CSMD1: variants seen among roughly 807,000 people sequenced by gnomAD.
The protein encoded by CSMD1 is CUB and Sushi multiple domains 1.
In CSMD1, 213 loss-of-function variants were observed where a neutral mutation model predicts 417.5. That is an observed-to-expected ratio of 0.51 (90% CI 0.46 to 0.57). The LOEUF (loss-of-function observed/expected upper bound fraction) is 0.57, where lower values mean the gene tolerates loss of function less well. CSMD1 is among the 20% of genes least tolerant of loss of function. The pLI is 0.00. For missense variants in CSMD1, 6,923 were observed against 4,529.7 expected, an observed-to-expected ratio of 1.53 and a Z score of -15.17; for synonymous variants, 2,862 against 1,736.8, an observed-to-expected ratio of 1.65 and a Z score of -16.11.
chr8:3,432,914 T>C (rs1814309619), intron 12 of CSMD1, among the ~76,000 whole-genome samples: 2 of 152,186 alleles, frequency 1.3e-5, no homozygotes, highest in African/African-American at 2.4e-5. Flanking sequence ...CACAGTTACA[T>C]TTCTTCTAAT....
intron 49 of CSMD1, among the ~76,000 whole-genome samples, chr8:3,062,145 G>T (rs1041136859): frequency 6.6e-6 from 1 of 151,936 alleles, no homozygotes. Flanking sequence ...AATATTTCTG[G>T]GTCCTTTCTT....
At position 4,730,097 on chromosome 8, in the gene CSMD1, C is replaced by T. The variant is rs990677211; in HGVS notation, c.86-92539G>A. ...TAAATTGTATGACATCTTTATTACC[C>T]CTTTTCGTCTCCGCACTTAGAAGCA... On this transcript the variant is annotated intron_variant, in intron 1 of 69. Transcript: ENST00000635120. Among the ~76,000 whole-genome samples, 5 of 152,104 alleles carry T rather than the reference C, an allele frequency of 3.3e-5. No homozygotes were observed. The South Asian group carries it at 6.2e-4, about 19-fold the overall frequency.
At chr8:3,349,962 T>C (rs1021999525) in intron 21 of CSMD1, among the ~76,000 whole-genome samples, 3 of 146,174 alleles carry the variant, frequency 2.1e-5, no homozygotes, top group African/African-American at 7.5e-5. Flanking sequence ...ATGTGTGTTA[T>C]AATACCTATA....
chr8:3,581,179 T>G (rs552114571), intron 9 of CSMD1, among the ~76,000 whole-genome samples: 1 of 152,310 alleles, frequency 6.6e-6, no homozygotes, highest in East Asian at 1.9e-4. Flanking sequence ...CCTGAACATT[T>G]TACTTAAAAA....
chr8:4,599,752 T>C (rs1800486629), intron 2 of CSMD1, among the ~76,000 whole-genome samples: 1 of 152,160 alleles, frequency 6.6e-6, no homozygotes, highest in Non-Finnish European at 1.5e-5. Flanking sequence ...CAAACAATGG[T>C]AACAATAATT....
intron 2 of CSMD1, among the ~76,000 whole-genome samples, chr8:4,636,761 C>T (rs1563356370): frequency 6.6e-6 from 1 of 152,176 alleles, no homozygotes; most frequent in Non-Finnish European, 1.5e-5. Context: ...TGATAGACTT[C>T]AAGTTTTCTG....
At chr8:3,202,993 C>T (rs1271608549) in intron 31 of CSMD1, among the ~76,000 whole-genome samples, 1 of 152,038 alleles carries the variant, frequency 6.6e-6, no homozygotes, top group Non-Finnish European at 1.5e-5. Context: ...CCATCCTCAC[C>T]CACCCACCAC....
intron 10 of CSMD1, among the ~76,000 whole-genome samples, chr8:3,544,109 G>A (rs1269073067): frequency 6.6e-6 from 1 of 152,120 alleles, no homozygotes; most frequent in Non-Finnish European, 1.5e-5. Context: ...CATCTTGAGT[G>A]AGGGCTTGGT....
intron 23 of CSMD1, among the ~76,000 whole-genome samples, chr8:3,325,755 C>G (rs1376685983): frequency 6.6e-6 from 1 of 152,086 alleles, no homozygotes; most frequent in Non-Finnish European, 1.5e-5. Context: ...ACCCGGGAGG[C>G]AGAGGTTGCA....
Position 4,105,337 on chromosome 8 carries a change from A to ATTT in CSMD1, c.416-73241_416-73239dup, listed in dbSNP as rs35419182. On this transcript the variant is annotated intron_variant, in intron 3 of 69. Coordinates refer to ENST00000635120, the MANE Select transcript of CSMD1 (RefSeq NM_033225.6). ...GATCTTAATCTTGTAACACTTCTGA[A>ATTT]TTTTTTTTTTATGTTTATATGTGCT... 4.0e-4 allele frequency among the ~76,000 whole-genome samples: 61 copies of ATTT among 151,254 alleles called. No homozygotes were observed. The Middle Eastern group carries it at 0.01, about 25-fold the overall frequency.
At chr8:4,198,858 A>T (rs912601269) in intron 3 of CSMD1, among the ~76,000 whole-genome samples, 2 of 152,150 alleles carry the variant, frequency 1.3e-5, no homozygotes, top group African/African-American at 4.8e-5. Context: ...GCGCAACAAT[A>T]TCACGTATTT....
chr8:4,043,058 G>C (rs191412272), intron 3 of CSMD1, among the ~76,000 whole-genome samples: 17 of 152,002 alleles, frequency 1.1e-4, no homozygotes, highest in African/African-American at 3.6e-4. Context: ...CTTGAACCTT[G>C]GAGGCACAGG....
chr8:4,101,206 T>G (rs1224862432), intron 3 of CSMD1, among the ~76,000 whole-genome samples: 2 of 152,224 alleles, frequency 1.3e-5, no homozygotes, highest in East Asian at 1.9e-4. Flanking sequence ...CATACACGTA[T>G]GAATTCTTGG....
At chr8:3,249,202 T>G (rs571210903) in intron 26 of CSMD1, among the ~76,000 whole-genome samples, 15 of 152,256 alleles carry the variant, frequency 9.9e-5, no homozygotes, top group African/African-American at 3.6e-4. Context: ...CAAGATGCAC[T>G]GTGAGTTCTT....
intron 3 of CSMD1, among the ~76,000 whole-genome samples, chr8:4,338,687 C>G (rs565749885): frequency 6.6e-6 from 1 of 152,076 alleles, no homozygotes; most frequent in Non-Finnish European, 1.5e-5. Flanking sequence ...AGCCACAATT[C>G]CATAGTTCCG....
chr8:3,951,614 G>A (rs1811607039), intron 5 of CSMD1, among the ~76,000 whole-genome samples: 1 of 152,046 alleles, frequency 6.6e-6, no homozygotes, highest in Non-Finnish European at 1.5e-5. Context: ...ACTACTCTAG[G>A]AAACAGCTGA....
At chr8:3,644,650 A>T (rs906570517) in intron 7 of CSMD1, among the ~76,000 whole-genome samples, 16 of 152,166 alleles carry the variant, frequency 1.1e-4, no homozygotes, top group Non-Finnish European at 4.4e-5. Context: ...TTCAGTAAAG[A>T]GGGCAGCAGG....
chr8:4,850,860 G>C (rs1269788900), intron 1 of CSMD1, among the ~76,000 whole-genome samples: 1 of 151,972 alleles, frequency 6.6e-6, no homozygotes, highest in East Asian at 1.9e-4. Context: ...AGTATGTTTA[G>C]TCCTCATGTC....
chr8:4,126,349 T>C (rs1158514009), intron 3 of CSMD1, among the ~76,000 whole-genome samples: 1 of 152,236 alleles, frequency 6.6e-6, no homozygotes, highest in Non-Finnish European at 1.5e-5. Context: ...ACCCACTGCA[T>C]GGTTACGAGA....
Sources: gnomAD v4.1 joint callset for allele counts (sites outside exome capture counted in the v4.1 genomes callset) on GRCh38, gnomAD v4.1.1 for gene constraint, MANE v1.5 for transcripts, NCBI Gene and HGNC (gene_info 2026-07-23, HGNC 2026-07-21) for gene names.